RIT2: variants seen among roughly 807,000 people sequenced by gnomAD.
RIT2 encodes Ras like without CAAX 2, also known as GTP-binding protein Rit2.
A neutral mutation model predicts 23.7 loss-of-function variants in RIT2; 24 were observed. That is an observed-to-expected ratio of 1.01 (90% CI 0.73 to 1.43). RIT2 has a LOEUF of 1.43. Among genes scored for constraint, RIT2 ranks in the 40% most tolerant of loss-of-function variants. The pLI is 0.00. For missense variants in RIT2, 236 were observed against 266.9 expected (o/e 0.88, Z 0.81); for synonymous variants, 107 against 91.1 (o/e 1.17, Z -0.99).
intron 1 of RIT2, among the ~76,000 whole-genome samples, chr18:43,070,404 G>C (rs908399952): frequency 3.7e-4 from 56 of 152,150 alleles, no homozygotes; most frequent in African/African-American, 1.1e-3. Context: ...TATATTAATG[G>C]CAAGCTATAA....
chr18:42,779,871 T>C (rs1355496211), intron 4 of RIT2, among the ~76,000 whole-genome samples: 2 of 152,084 alleles, frequency 1.3e-5, no homozygotes, highest in African/African-American at 4.8e-5. Flanking sequence ...CTTGAGCAGG[T>C]TACTTAATAT....
At chr18:43,020,290 G>T (rs1386072684) in intron 2 of RIT2, among the ~76,000 whole-genome samples, 1 of 152,030 alleles carries the variant, frequency 6.6e-6, no homozygotes, top group Non-Finnish European at 1.5e-5. Context: ...TTCAAGACCA[G>T]CCTGACCAAC....
intron 4 of RIT2, among the ~76,000 whole-genome samples, chr18:42,766,920 T>C (rs1240806104): frequency 6.6e-6 from 1 of 152,206 alleles, no homozygotes; most frequent in Non-Finnish European, 1.5e-5. Flanking sequence ...TGTGGTGTTG[T>C]ACCTGTAGGT....
chr18:43,019,840 G>A (rs1470235888), intron 2 of RIT2, among the ~76,000 whole-genome samples: 3 of 151,790 alleles, frequency 2.0e-5, no homozygotes, highest in African/African-American at 4.8e-5. Flanking sequence ...CAGTAAAGTT[G>A]TAGAATATAA....
intron 3 of RIT2, among the ~76,000 whole-genome samples, chr18:42,970,677 T>C (rs1910341459): frequency 6.6e-6 from 1 of 152,026 alleles, no homozygotes; most frequent in African/African-American, 2.4e-5. Flanking sequence ...TATGGTATGG[T>C]AATGGTTTGG....
At chr18:42,950,738 G>T (rs1318418510) in intron 3 of RIT2, among the ~76,000 whole-genome samples, 2 of 151,484 alleles carry the variant, frequency 1.3e-5, no homozygotes, top group African/African-American at 4.8e-5. Flanking sequence ...ATGGGCAAAA[G>T]ACATGAACAG....
intron 3 of RIT2, among the ~76,000 whole-genome samples, chr18:42,958,346 C>A (rs960207016): frequency 2.0e-5 from 3 of 152,054 alleles, no homozygotes; most frequent in Non-Finnish European, 4.4e-5. Flanking sequence ...AAGATATGTA[C>A]CCTTCTGGTG....
intron 4 of RIT2, among the ~76,000 whole-genome samples, chr18:42,811,368 T>G (rs1466876605): frequency 6.6e-6 from 1 of 152,086 alleles, no homozygotes; most frequent in African/African-American, 2.4e-5. Context: ...TGTAAGGATA[T>G]GTAAAGTAGG....
intron 3 of RIT2, among the ~76,000 whole-genome samples, chr18:42,961,866 G>C (rs1910101084): frequency 6.6e-6 from 1 of 152,166 alleles, no homozygotes; most frequent in African/African-American, 2.4e-5. Context: ...TTCTCTCAGA[G>C]GAGAGTGAGA....
intron 4 of RIT2, among the ~76,000 whole-genome samples, chr18:42,749,376 A>C (rs746056433): frequency 6.6e-6 from 1 of 151,806 alleles, no homozygotes; most frequent in African/African-American, 2.4e-5. Context: ...AAGCATAAAC[A>C]CTCAAATTTA....
chr18:42,792,420 T>C (rs1914064137), intron 4 of RIT2, among the ~76,000 whole-genome samples: 1 of 152,212 alleles, frequency 6.6e-6, no homozygotes, highest in Non-Finnish European at 1.5e-5. Context: ...GTCATTGCAA[T>C]GTAACTAGGC....
At chr18:42,998,046 A>AT (rs970331049) in intron 2 of RIT2, among the ~76,000 whole-genome samples, 16 of 152,044 alleles carry the variant, frequency 1.1e-4, no homozygotes, top group Middle Eastern at 3.4e-3. Context: ...ACCACAATAC[A>AT]TTTTTTTTAA....
At chr18:43,022,354 C>G (rs561741696) in intron 2 of RIT2, among the ~76,000 whole-genome samples, 2 of 152,188 alleles carry the variant, frequency 1.3e-5, no homozygotes, top group South Asian at 4.1e-4. Context: ...TAGAAACATA[C>G]AGTTAGACTG....
chr18:42,887,974 T>TA (rs1359182537), intron 4 of RIT2, among the ~76,000 whole-genome samples: 1 of 152,046 alleles, frequency 6.6e-6, no homozygotes, highest in Non-Finnish European at 1.5e-5. Flanking sequence ...ATGGAGACAG[T>TA]AAAAAATCAG....
At chr18:42,990,480 C>A (rs575008903) in intron 2 of RIT2, among the ~76,000 whole-genome samples, 1 of 152,310 alleles carries the variant, frequency 6.6e-6, no homozygotes, top group African/African-American at 2.4e-5. Flanking sequence ...TGAGGGCTTT[C>A]TGCACTTGCC....
chr18:42,755,348 T>A (rs1913137758), intron 4 of RIT2, among the ~76,000 whole-genome samples: 1 of 152,192 alleles, frequency 6.6e-6, no homozygotes, highest in African/African-American at 2.4e-5. Context: ...GTACAAAATC[T>A]TCTTGCCTTC....
Position 42,839,094 on chromosome 18 carries a change from C to G in RIT2, c.426+84478G>C, listed in dbSNP as rs372688053. On this transcript the variant is annotated intron_variant, in intron 4 of 4. Coordinates refer to ENST00000326695, the MANE Select transcript of RIT2 (RefSeq NM_002930.4). ...TTAAAAATCTTCCCTCATCCTAAAC[C>G]AATCCTTTGCACACTGGAAAATGAG... Among the ~76,000 whole-genome samples the G allele has an allele frequency of 1.5e-4, 23 of 152,190 alleles. 1 individual carries two copies. In the East Asian group the frequency reaches 3.3e-3, roughly 22 times the overall value.
At chr18:42,953,981 A>T (rs1013704323) in intron 3 of RIT2, among the ~76,000 whole-genome samples, 1 of 152,108 alleles carries the variant, frequency 6.6e-6, no homozygotes, top group African/African-American at 2.4e-5. Context: ...ATCTCTGCAA[A>T]TTGTAGGGTT....
chr18:43,093,551 C>T (rs1046491706), intron 1 of RIT2, among the ~76,000 whole-genome samples: 1 of 151,996 alleles, frequency 6.6e-6, no homozygotes. Context: ...TTCCCCAAAA[C>T]AGCCACATTT....
Sources: gnomAD v4.1 joint callset for allele counts (sites outside exome capture counted in the v4.1 genomes callset) on GRCh38, gnomAD v4.1.1 for gene constraint, MANE v1.5 for transcripts, NCBI Gene and HGNC (gene_info 2026-07-23, HGNC 2026-07-21) for gene names.